Variants in SPIC observed in about 807,000 individuals in gnomAD.
SPIC encodes Spi-C transcription factor.
Under a neutral mutation model 16.7 loss-of-function variants are expected in SPIC, and 9 were observed. The observed-to-expected ratio is 0.54, with a 90% confidence interval of 0.33 to 0.94. The LOEUF is 0.94. Among genes scored for constraint, SPIC ranks in the 40% least tolerant of loss-of-function variants. The pLI, the probability that SPIC is intolerant of heterozygous loss-of-function variation, is 0.03. For missense variants in SPIC, 241 were observed against 285.8 expected (o/e 0.84, Z 1.13); for synonymous variants, 97 against 102.9 (o/e 0.94, Z 0.35).
chr12:101,486,840 C>A lies in SPIC; in HGVS notation c.*69C>A. ...ACAAGTTTTAATGATTTCTCCCTCC[C>A]TCTCTTTTTTTCCTCCTCTGAAGAA... On this transcript the variant is annotated 3_prime_UTR_variant, in exon 6 of 6. Transcript: ENST00000551346. The A allele has an allele frequency of 7.5e-7, 1 of 1,325,454 alleles. No homozygotes were observed. Among genetic ancestry groups the A allele is most frequent in the Non-Finnish European group, 1.0e-6 (1 of 991,688 alleles). 82.1% of individuals were successfully genotyped at this position (1,325,454 alleles called of 1,614,324 possible).
chr12:101,484,285 G>T (rs1286248003), intron 5 of SPIC, among the ~76,000 whole-genome samples: 2 of 151,978 alleles, frequency 1.3e-5, no homozygotes, highest in African/African-American at 2.4e-5. Context: ...TGTAATCCTA[G>T]CACTTTGGGA....
intron 4 of SPIC, among the ~76,000 whole-genome samples, chr12:101,480,645 T>G (rs750869796): frequency 3.9e-5 from 6 of 152,232 alleles, no homozygotes; most frequent in Non-Finnish European, 5.9e-5. Flanking sequence ...TTTTTCTGTT[T>G]CTATAAATTG....
At chr12:101,483,695 C>T (rs1038499931) in intron 5 of SPIC, among the ~76,000 whole-genome samples, 3 of 151,980 alleles carry the variant, frequency 2.0e-5, no homozygotes, top group African/African-American at 7.3e-5. Context: ...CTCCCCGACT[C>T]AAGCAATTCT....
At chr12:101,479,356 A>AAATC (rs1873115412) in intron 3 of SPIC, among the ~76,000 whole-genome samples, 1 of 151,220 alleles carries the variant, frequency 6.6e-6, no homozygotes, top group African/African-American at 2.4e-5. Flanking sequence ...AGAAAGAAAG[A>AAATC]AATCATGCGG....
rs3084612 is a variant in SPIC, at chr12:101,479,300, GAA to G, written c.98-280_98-279del. ...AAAGAAAGAAAAAGAAAGAAAGAAA[GAA>G]AGAAAAAAGAAAGAAAGAAAGAAAG... On this transcript the variant is annotated intron_variant, in intron 3 of 5. Coordinates refer to ENST00000551346, the MANE Select transcript of SPIC (RefSeq NM_152323.3). Among the ~76,000 whole-genome samples the G allele has an allele frequency of 3.1e-4, 24 of 76,884 alleles. 3 individuals carry two copies. Among genetic ancestry groups the G allele is most frequent in the Admixed American group, 2.6e-3 (20 of 7,560 alleles). The allele number at this position is 76,884 out of a possible 152,430, so 50.4% of individuals were successfully genotyped here. A position where few individuals can be genotyped will look rare whatever the true frequency, so the allele number is the denominator to read the frequency against.
chr12:101,479,485 A>C, intron 3 of SPIC, 97 bp from the exon 4 acceptor site: 1 of 837,896 alleles, frequency 1.2e-6, no homozygotes, highest in South Asian at 1.7e-5. Context: ...CATAGATGAG[A>C]GCAATTGCAT....
Position 101,486,478 on chromosome 12 carries a change from G to T in SPIC, c.454G>T (p.Glu152Ter). 1 of 1,614,144 alleles carries T rather than the reference G, an allele frequency of 6.2e-7. No individual in the cohort carries two copies. Among genetic ancestry groups the T allele is most frequent in the Non-Finnish European group, 8.5e-7 (1 of 1,180,022 alleles). The change falls in exon 6 of 6, where the codon GAG becomes TAG. Residue 152 changes from glutamate (E) to a stop codon, truncating the protein, a stop_gained. Transcript: ENST00000551346. LOFTEE classifies it low-confidence loss of function (END_TRUNC). Reference protein sequence around the residue: ...FVSKNKEKLAELWGKRKGNRK... With the variant: ...FVSKNKEKLA ...ATCAAAAAACAAAGAAAAACTTGCC[G>T]AGCTTTGGGGGAAAAGAAAAGGCAA...
At chr12:101,484,966 T>C (rs1186000156) in intron 5 of SPIC, among the ~76,000 whole-genome samples, 1 of 152,214 alleles carries the variant, frequency 6.6e-6, no homozygotes, top group African/African-American at 2.4e-5. Flanking sequence ...ATTTGATCAC[T>C]GAATGAGAGA....
intron 4 of SPIC, 138 bp from the exon 5 acceptor site, chr12:101,482,654 T>G (rs1873241028): frequency 1.4e-6 from 1 of 730,748 alleles, no homozygotes; most frequent in South Asian, 1.8e-5. Context: ...CTGGGAGCTA[T>G]CTGGCTGCAG....
intron 5 of SPIC, among the ~76,000 whole-genome samples, chr12:101,484,846 C>A (rs1035740885): frequency 2.0e-5 from 3 of 149,914 alleles, no homozygotes; most frequent in African/African-American, 7.4e-5. Context: ...CCAGCCTGGG[C>A]GACAGAGCGA....
At position 101,486,441 on chromosome 12, in the gene SPIC, C is replaced by T; in HGVS notation, c.417C>T (p.Ile139=). ...CIQWVDKTKG[I]FQFVSKNKEK... is the part of the protein sequence containing the mutation. ...AGTGGGTAGATAAAACCAAAGGCATCTTTCAGTTTGTATCAAAAAACAAAG... is the reference window on the plus strand; with the variant it reads ...AGTGGGTAGATAAAACCAAAGGCATTTTTCAGTTTGTATCAAAAAACAAAG... The change falls in exon 6 of 6, where the codon ATC becomes ATT. Residue 139 remains isoleucine (I), a synonymous_variant. Transcript: ENST00000551346. 6.2e-7 allele frequency: 1 copy of T among 1,614,120 alleles called. No individual in the cohort carries two copies. The highest frequency in any genetic ancestry group is 1.1e-5 in the South Asian group (1 of 91,082).
chr12:101,476,187 G>C (rs1872952263), intron 1 of SPIC, among the ~76,000 whole-genome samples: 1 of 152,066 alleles, frequency 6.6e-6, no homozygotes, highest in East Asian at 1.9e-4. Context: ...TCCCTGTGTT[G>C]GTCTATAGAA....
chr12:101,483,962 A>T (rs1213036625), intron 5 of SPIC, among the ~76,000 whole-genome samples: 1 of 151,742 alleles, frequency 6.6e-6, no homozygotes, highest in Non-Finnish European at 1.5e-5. Flanking sequence ...CCTCACCAAT[A>T]CATTTTATTT....
chr12:101,477,779 G>T, intron 3 of SPIC, 128 bp downstream of exon 3: 1 of 751,602 alleles, frequency 1.3e-6, no homozygotes, highest in East Asian at 2.8e-5. Flanking sequence ...CACTTTGGGA[G>T]GCCAAGGTGG....
intron 4 of SPIC, among the ~76,000 whole-genome samples, chr12:101,481,929 AGGCATGAGCCACCATGCCT>A (rs1873212404): frequency 7.5e-6 from 1 of 132,930 alleles, no homozygotes; most frequent in African/African-American, 2.9e-5. Flanking sequence ...CTGGGATTAC[AGGCATGAGCCACCATGCCT>A]GGCGTACAAA....
chr12:101,479,796 C>T (rs1873130906), intron 4 of SPIC, 102 bp downstream of exon 4: 2 of 701,940 alleles, frequency 2.8e-6, no homozygotes, highest in South Asian at 2.4e-5. Context: ...ACAGCATTGA[C>T]TATGAAAATG....
At chr12:101,477,444 C>T (rs2121240137) in intron 2 of SPIC, 114 bp from the exon 3 acceptor site, 4 of 941,284 alleles carry the variant, frequency 4.2e-6, no homozygotes, top group South Asian at 3.0e-5. Flanking sequence ...ACACCAAATG[C>T]CCATAGTGTC....
chr12:101,484,548 TAATAAATAA>T (rs890399365), intron 5 of SPIC, among the ~76,000 whole-genome samples: 6 of 139,940 alleles, frequency 4.3e-5, no homozygotes, highest in Non-Finnish European at 9.4e-5. Context: ...AAAATAATAA[TAATAAATAA>T]AATAAAGAAA....
chr12:101,475,745 A>G (rs1446736278), intron 1 of SPIC, among the ~76,000 whole-genome samples: 2 of 152,338 alleles, frequency 1.3e-5, no homozygotes, highest in East Asian at 1.9e-4. Context: ...TTAATTCAAA[A>G]TACAACATTC....
Sources: allele counts gnomAD v4.1 joint callset (sites outside exome capture counted in the v4.1 genomes callset), GRCh38; gene constraint gnomAD v4.1.1; transcripts MANE v1.5; gene names NCBI Gene and HGNC (gene_info 2026-07-23, HGNC 2026-07-21).